Variants in THSD7B observed in about 807,000 individuals in gnomAD.
THSD7B encodes thrombospondin type-1 domain-containing protein 7B.
THSD7B carries 138 observed loss-of-function variants against 213.6 expected under a neutral mutation model. That is an observed-to-expected ratio of 0.65 (90% CI 0.56 to 0.74). THSD7B has a LOEUF of 0.74. Ranked by LOEUF, THSD7B falls within the 30% of genes least tolerant of loss-of-function variation. The pLI, the probability that THSD7B is intolerant of heterozygous loss-of-function variation, is 0.00. For synonymous variants in THSD7B, 742 were observed against 687.0 expected (o/e 1.08, Z -1.25); for missense variants, 1,931 against 1,991.5 (o/e 0.97, Z 0.58).
chr2:137,291,389 C>T (rs939277403), intron 12 of THSD7B, among the ~76,000 whole-genome samples: 6 of 152,026 alleles, frequency 3.9e-5, no homozygotes, highest in South Asian at 4.2e-4. Context: ...GTACCTTATT[C>T]GTCTTTATAT....
intron 5 of THSD7B, among the ~76,000 whole-genome samples, chr2:137,149,215 G>T (rs1219137625): frequency 2.0e-5 from 3 of 152,204 alleles, no homozygotes; most frequent in African/African-American, 2.4e-5. Flanking sequence ...TAGAAGTCAA[G>T]AATAAAGGTT....
At chr2:137,402,815 CAAAA>C (rs34623127) in intron 12 of THSD7B, among the ~76,000 whole-genome samples, 3 of 83,200 alleles carry the variant, frequency 3.6e-5, no homozygotes, top group Non-Finnish European at 4.9e-5. Flanking sequence ...AACTCCATCT[CAAAA>C]AAAAAAAAAA....
At chr2:137,317,074 C>A (rs540854976) in intron 12 of THSD7B, among the ~76,000 whole-genome samples, 1 of 152,216 alleles carries the variant, frequency 6.6e-6, no homozygotes, top group East Asian at 1.9e-4. Context: ...TAAACTGATC[C>A]ATGAAATATA....
intron 2 of THSD7B, among the ~76,000 whole-genome samples, chr2:136,964,343 C>G (rs1034731873): frequency 6.6e-6 from 1 of 151,594 alleles, no homozygotes; most frequent in Non-Finnish European, 1.5e-5. Flanking sequence ...GAGGATTGCC[C>G]GAGCCCAGAA....
intron 14 of THSD7B, among the ~76,000 whole-genome samples, chr2:137,422,591 C>CACGCCTG (rs1686953848): frequency 6.6e-6 from 1 of 152,104 alleles, no homozygotes; most frequent in Non-Finnish European, 1.5e-5. Flanking sequence ...AATGGAACAT[C>CACGCCTG]TAGTTTTCAT....
chr2:137,242,384 A>G (rs2105065239), intron 9 of THSD7B, 73 bp from the exon 10 acceptor site: 3 of 1,218,192 alleles, frequency 2.5e-6, no homozygotes, highest in East Asian at 4.7e-5. Context: ...TTTCGGTTCT[A>G]AAATCCTATA....
At chr2:137,402,998 T>G (rs530165961) in intron 12 of THSD7B, among the ~76,000 whole-genome samples, 2 of 152,300 alleles carry the variant, frequency 1.3e-5, no homozygotes, top group South Asian at 4.2e-4. Flanking sequence ...GAACATTTGC[T>G]TGTACCCTAC....
intron 12 of THSD7B, among the ~76,000 whole-genome samples, chr2:137,404,918 G>C (rs2105003631): frequency 6.6e-6 from 1 of 152,072 alleles, no homozygotes; most frequent in Middle Eastern, 3.4e-3. Flanking sequence ...CACTGCTCAG[G>C]TGATGGGTGT....
chr2:137,021,169 T>G (rs748874161), intron 2 of THSD7B, among the ~76,000 whole-genome samples: 1 of 152,200 alleles, frequency 6.6e-6, no homozygotes, highest in Non-Finnish European at 1.5e-5. Flanking sequence ...CAAATTTGGC[T>G]ACATTTTTAG....
intron 2 of THSD7B, among the ~76,000 whole-genome samples, chr2:136,966,541 T>A (rs1488110224): frequency 1.3e-5 from 2 of 152,208 alleles, no homozygotes; most frequent in East Asian, 3.8e-4. Context: ...AATCAGTCTT[T>A]TTTATTTTTA....
intron 2 of THSD7B, among the ~76,000 whole-genome samples, chr2:137,055,251 T>A (rs182502191): frequency 6.6e-6 from 1 of 152,280 alleles, no homozygotes; most frequent in Non-Finnish European, 1.5e-5. Flanking sequence ...TACGTGTGCA[T>A]GTGTCTTTAT....
intron 12 of THSD7B, among the ~76,000 whole-genome samples, chr2:137,317,342 G>A (rs1023063818): frequency 3.3e-5 from 5 of 152,040 alleles, no homozygotes; most frequent in East Asian, 1.9e-4. Context: ...CCTATTTCTC[G>A]TAAACCTCTT....
intron 1 of THSD7B, among the ~76,000 whole-genome samples, chr2:136,825,431 A>C (rs1288076083): frequency 6.6e-6 from 1 of 152,174 alleles, no homozygotes; most frequent in African/African-American, 2.4e-5. Flanking sequence ...TTCTAGGGAC[A>C]GCTTGCGTTC....
At chr2:137,320,633 A>T (rs1316629937) in intron 12 of THSD7B, among the ~76,000 whole-genome samples, 1 of 152,090 alleles carries the variant, frequency 6.6e-6, no homozygotes, top group Admixed American at 6.5e-5. Context: ...TAAATGGAAT[A>T]ATAAGTTTTA....
chr2:137,111,966 A>C (rs1688354504), intron 4 of THSD7B, among the ~76,000 whole-genome samples: 1 of 152,142 alleles, frequency 6.6e-6, no homozygotes, highest in South Asian at 2.1e-4. Context: ...GGGAGATGGG[A>C]GGTTGAAAAG....
chr2:136,813,562 A>G (rs1682419829), intron 1 of THSD7B, among the ~76,000 whole-genome samples: 1 of 152,150 alleles, frequency 6.6e-6, no homozygotes, highest in African/African-American at 2.4e-5. Flanking sequence ...GTTTGAACTC[A>G]TACAACTTTG....
chr2:136,847,914 CCTT>C (rs1003061190), intron 1 of THSD7B, among the ~76,000 whole-genome samples: 2 of 152,110 alleles, frequency 1.3e-5, no homozygotes, highest in Admixed American at 1.3e-4. Context: ...CTTATTCCTC[CCTT>C]CTTATGAGAA....
At chr2:137,583,714 C>T (rs1034104443) in intron 17 of THSD7B, among the ~76,000 whole-genome samples, 2 of 152,052 alleles carry the variant, frequency 1.3e-5, no homozygotes, top group African/African-American at 2.4e-5. Context: ...GTTTTGGTAC[C>T]AGTACCATGC....
At chr2:136,997,112 C>T (rs1432210057) in intron 2 of THSD7B, among the ~76,000 whole-genome samples, 1 of 152,162 alleles carries the variant, frequency 6.6e-6, no homozygotes, top group Non-Finnish European at 1.5e-5. Flanking sequence ...CCAGTAACAT[C>T]AAGGATTATT....
Sources: allele counts gnomAD v4.1 joint callset (sites outside exome capture counted in the v4.1 genomes callset), GRCh38; gene constraint gnomAD v4.1.1; transcripts MANE v1.5; gene names NCBI Gene and HGNC (gene_info 2026-07-23, HGNC 2026-07-21).